Variants in NIPBL observed in about 807,000 individuals in gnomAD.
NIPBL encodes NIPBL cohesin loading factor.
In NIPBL, 19 loss-of-function variants were observed where a neutral mutation model predicts 321.8. That is an observed-to-expected ratio of 0.06 (90% CI 0.04 to 0.09). The LOEUF (loss-of-function observed/expected upper bound fraction) is 0.09, where lower values mean the gene tolerates loss of function less well. NIPBL is among the 10% of genes least tolerant of loss of function. The pLI, the probability that NIPBL is intolerant of heterozygous loss-of-function variation, is 1.00. For synonymous variants in NIPBL, 1,106 were observed against 1,114.1 expected (o/e 0.99, Z 0.14); for missense variants, 2,210 against 3,327.0 (o/e 0.66, Z 8.26).
intron 6 of NIPBL, among the ~76,000 whole-genome samples, chr5:36,965,155 G>T (rs377526446): frequency 1.3e-5 from 2 of 152,224 alleles, no homozygotes; most frequent in South Asian, 2.1e-4. Context: ...GCTGCTGTAT[G>T]ATCCAGCAAT....
intron 1 of NIPBL, among the ~76,000 whole-genome samples, chr5:36,911,873 T>C (rs1748077367): frequency 6.6e-6 from 1 of 152,160 alleles, no homozygotes; most frequent in Non-Finnish European, 1.5e-5. Context: ...AGTGTAAATC[T>C]AGAAGTGAGT....
intron 16 of NIPBL, 144 bp downstream of exon 16, chr5:37,003,491 TAC>T (rs1747061402): frequency 6.9e-6 from 4 of 583,004 alleles, no homozygotes; most frequent in African/African-American, 3.7e-5. Flanking sequence ...TAATTTTTAT[TAC>T]AGTCTATTGT....
At chr5:36,927,366 C>T (rs974670894) in intron 1 of NIPBL, among the ~76,000 whole-genome samples, 3 of 152,072 alleles carry the variant, frequency 2.0e-5, no homozygotes, top group Admixed American at 2.0e-4. Flanking sequence ...AGGATTTTGC[C>T]TTTGCTCTGA....
At chr5:37,009,616 A>G (rs937507123) in intron 20 of NIPBL, among the ~76,000 whole-genome samples, 4 of 152,244 alleles carry the variant, frequency 2.6e-5, no homozygotes, top group African/African-American at 7.2e-5. Flanking sequence ...TACAATATCT[A>G]TAGAACAAAA....
chr5:36,918,579 G>GA (rs914986329), intron 1 of NIPBL, among the ~76,000 whole-genome samples: 5 of 152,166 alleles, frequency 3.3e-5, no homozygotes, highest in Non-Finnish European at 5.9e-5. Flanking sequence ...GGAGTGGTGA[G>GA]AGAGGGCGTC....
In NIPBL at chr5:37,066,053, G is replaced by A. The variant is rs961769235; in HGVS notation, c.*1161G>A. On this transcript the variant is annotated 3_prime_UTR_variant, in exon 47 of 47. Coordinates refer to ENST00000282516, the MANE Select transcript of NIPBL (RefSeq NM_133433.4). The stretch of plus-strand genomic sequence containing the variant: ...AAAGAGTAATTTTACTTGTTGAGAT[G>A]TTTATTCATTTTCTAATCTATGCTA... The A allele has an allele frequency of 9.2e-5, 14 of 152,236 alleles. No individual in the cohort carries two copies. Among genetic ancestry groups the A allele is most frequent in the African/African-American group, 2.2e-4 (9 of 41,548 alleles). 9.4% of individuals were successfully genotyped at this position (152,236 alleles called of 1,614,324 possible). A position where few individuals can be genotyped will look rare whatever the true frequency, so the allele number is the denominator to read the frequency against.
At chr5:36,881,684 T>C (rs1326008862) in intron 1 of NIPBL, among the ~76,000 whole-genome samples, 1 of 151,986 alleles carries the variant, frequency 6.6e-6, no homozygotes, top group African/African-American at 2.4e-5. Flanking sequence ...ATATTATCTT[T>C]TGGGTGTTAG....
chr5:36,955,698 C>A (rs1261375807), intron 3 of NIPBL, 61 bp downstream of exon 3: 21 of 1,341,014 alleles, frequency 1.6e-5, no homozygotes, highest in Non-Finnish European at 1.9e-5. Flanking sequence ...CTAAGAGAAT[C>A]CGTATTCCTG....
At chr5:36,977,678 G>C (rs1019877731) in intron 9 of NIPBL, among the ~76,000 whole-genome samples, 1 of 151,196 alleles carries the variant, frequency 6.6e-6, no homozygotes, top group African/African-American at 2.4e-5. Flanking sequence ...GTGGTGGTGA[G>C]ATTTGGGCTT....
chr5:36,892,339 G>A (rs571185026), intron 1 of NIPBL, among the ~76,000 whole-genome samples: 2 of 152,282 alleles, frequency 1.3e-5, no homozygotes, highest in East Asian at 3.9e-4. Flanking sequence ...CATTGTTGTT[G>A]GGACTGTAAA....
intron 29 of NIPBL, among the ~76,000 whole-genome samples, chr5:37,022,707 A>T (rs1749790377): frequency 1.3e-5 from 2 of 152,194 alleles, no homozygotes; most frequent in Admixed American, 6.5e-5. Context: ...ATCTAGAGTG[A>T]TTTTATGTAT....
At chr5:36,887,854 T>TC (rs1203544775) in intron 1 of NIPBL, among the ~76,000 whole-genome samples, 1 of 152,210 alleles carries the variant, frequency 6.6e-6, no homozygotes, top group African/African-American at 2.4e-5. Context: ...TCTGAACTCA[T>TC]CCCTTAATTC....
chr5:36,955,467 A>C lies in NIPBL; in HGVS notation c.65-5A>C, dbSNP rs587784012. The C allele has an allele frequency of 6.2e-7, 1 of 1,612,524 alleles. No individual in the cohort carries two copies. Among genetic ancestry groups the C allele is most frequent in the Non-Finnish European group, 8.5e-7 (1 of 1,178,650 alleles). On this transcript the variant is annotated splice_region_variant and splice_polypyrimidine_tract_variant and intron_variant, in intron 2 of 46. Transcript: ENST00000282516. The stretch of plus-strand genomic sequence containing the variant: ...TTTCTAATAATCTGATTTTATTCCA[A>C]ATAGTCCTGAACCAGCTGCCTCTTC...
At position 36,996,105 on chromosome 5, in the gene NIPBL, C is replaced by A. The variant is rs953512685; in HGVS notation, c.3304+301C>A. On this transcript the variant is annotated intron_variant, in intron 11 of 46. Transcript: ENST00000282516. The surrounding 1 kb of genome is among the most constrained non-coding windows in gnomAD (Gnocchi z 5.0). Reference sequence around the variant, plus strand: ...ATGCTAGACACTGAGAGTAAAAATGCAAATAAGATATGGCCCCTGTCTTCA... The same window carrying A: ...ATGCTAGACACTGAGAGTAAAAATGAAAATAAGATATGGCCCCTGTCTTCA... 1.4e-4 allele frequency among the ~76,000 whole-genome samples: 22 copies of A among 152,062 alleles called. No individual in the cohort carries two copies. The highest frequency in any genetic ancestry group is 1.3e-3 in the Admixed American group (20 of 15,258).
intron 32 of NIPBL, among the ~76,000 whole-genome samples, 191 bp downstream of exon 32, chr5:37,027,603 G>T (rs1204685161): frequency 1.4e-5 from 1 of 69,762 alleles, no homozygotes; most frequent in Non-Finnish European, 2.4e-5. Flanking sequence ...CCTGGTTGTG[G>T]TTTTTTTTTT....
intron 1 of NIPBL, among the ~76,000 whole-genome samples, chr5:36,952,053 T>TGTGTGTGTGTGTGCAC (rs778597604): frequency 8.9e-6 from 1 of 112,114 alleles, no homozygotes; most frequent in Non-Finnish European, 1.9e-5. Context: ...TGTGTGTGTG[T>TGTGTGTGTGTGTGCAC]GCGCGCGCGC....
chr5:36,943,408 A>G (rs1739328956), intron 1 of NIPBL, among the ~76,000 whole-genome samples: 1 of 149,278 alleles, frequency 6.7e-6, no homozygotes, highest in Non-Finnish European at 1.5e-5. Context: ...TAGTGGAGAC[A>G]TATAAATTGT....
At chr5:37,029,463 C>T (rs530754531) in intron 32 of NIPBL, among the ~76,000 whole-genome samples, 1 of 152,202 alleles carries the variant, frequency 6.6e-6, no homozygotes, top group South Asian at 2.1e-4. Flanking sequence ...CTTTATCATT[C>T]ACCATTTTGT....
chr5:36,965,964 A>C (rs1742157666), intron 6 of NIPBL, among the ~76,000 whole-genome samples: 1 of 152,056 alleles, frequency 6.6e-6, no homozygotes, highest in South Asian at 2.1e-4. Flanking sequence ...CCATGCAGAA[A>C]AGTTCTAAGA....
Sources: allele counts gnomAD v4.1 joint callset (sites outside exome capture counted in the v4.1 genomes callset), GRCh38; gene constraint gnomAD v4.1.1; non-coding constraint Gnocchi (gnomAD v3.1); transcripts MANE v1.5; gene names NCBI Gene and HGNC (gene_info 2026-07-23, HGNC 2026-07-21).